The following AOPEP variants were observed in gnomAD, a reference collection of about 807,000 sequenced individuals.
The protein encoded by AOPEP is aminopeptidase O (putative).
Under a neutral mutation model 98.1 loss-of-function variants are expected in AOPEP, and 77 were observed. The observed-to-expected ratio is 0.78, with a 90% CI of 0.65 to 0.95. AOPEP has a LOEUF of 0.95. AOPEP is among the 40% of genes least tolerant of loss of function. The probability of loss-of-function intolerance (pLI) is 0.00; values close to 1 mark genes in which losing one functional copy is unlikely to be tolerated. For missense variants in AOPEP, 1,024 were observed against 1,024.7 expected (o/e 1.00, Z 0.01); for synonymous variants, 346 against 365.3 (o/e 0.95, Z 0.60).
chr9:94,983,757 G>T (rs534194674), intron 11 of AOPEP, among the ~76,000 whole-genome samples: 2 of 152,062 alleles, frequency 1.3e-5, no homozygotes, highest in Non-Finnish European at 2.9e-5. Flanking sequence ...CATGCCCTTT[G>T]CTCCTTGGCA....
intron 1 of AOPEP, among the ~76,000 whole-genome samples, chr9:94,729,568 A>G (rs1432906946): frequency 1.5e-5 from 2 of 131,252 alleles, no homozygotes; most frequent in Non-Finnish European, 3.3e-5. Flanking sequence ...GTGATGAGAC[A>G]CTGTCTTTAA....
intron 6 of AOPEP, among the ~76,000 whole-genome samples, chr9:94,925,929 GAC>G (rs1472609779): frequency 6.6e-6 from 1 of 152,252 alleles, no homozygotes; most frequent in Non-Finnish European, 1.5e-5. Context: ...CACAGTGCCT[GAC>G]ACGTGGAGAA....
Position 95,080,824 on chromosome 9 carries a change from C to G in AOPEP, c.2319+44C>G, listed in dbSNP as rs1430417352. On this transcript the variant is annotated intron_variant, in intron 15 of 16. Transcript: ENST00000375315. ...CAGATGGGGATTCTGTAAAGGCTGT[C>G]CCTGCACTTCACACAGGAATCCACG... 6.3e-6 allele frequency: 8 copies of G among 1,273,190 alleles called. No individual in the cohort carries two copies. In the African/African-American group the frequency reaches 7.3e-5, roughly 12 times the overall value. 78.9% of individuals were successfully genotyped at this position (1,273,190 alleles called of 1,614,324 possible). A position where few individuals can be genotyped will look rare whatever the true frequency, so the allele number is the denominator to read the frequency against.
At chr9:94,776,540 A>C (rs958854237) in intron 3 of AOPEP, among the ~76,000 whole-genome samples, 1 of 152,204 alleles carries the variant, frequency 6.6e-6, no homozygotes, top group Non-Finnish European at 1.5e-5. Flanking sequence ...GAGCTAAGGC[A>C]GTCCACTCGC....
chr9:94,938,663 G>T (rs1267851449), intron 7 of AOPEP, among the ~76,000 whole-genome samples: 1 of 152,186 alleles, frequency 6.6e-6, no homozygotes, highest in Admixed American at 6.5e-5. Context: ...CTGAAGGTGG[G>T]CCAGGCAAGG....
At chr9:94,901,354 A>G (rs1024844411) in intron 5 of AOPEP, among the ~76,000 whole-genome samples, 4 of 152,072 alleles carry the variant, frequency 2.6e-5, no homozygotes, top group Non-Finnish European at 5.9e-5. Flanking sequence ...TAATCACCTA[A>G]TAGTATAGTA....
the AOPEP span, among the ~76,000 whole-genome samples, chr9:95,108,830 T>G: frequency 6.6e-6 from 1 of 152,304 alleles, no homozygotes; most frequent in South Asian, 2.1e-4. Context: ...ACATAATGCC[T>G]TGTATCTTTC....
At chr9:95,040,235 C>T (rs1239784123) in intron 13 of AOPEP, among the ~76,000 whole-genome samples, 3 of 152,358 alleles carry the variant, frequency 2.0e-5, no homozygotes, top group South Asian at 2.1e-4. Context: ...AACAGTTGCA[C>T]GTACAAAATC....
In AOPEP at chr9:94,942,756, C is replaced by G. The variant is rs1295580367; in HGVS notation, c.1662-12421C>G. On this transcript the variant is annotated intron_variant, in intron 7 of 16. Coordinates refer to ENST00000375315, the MANE Select transcript of AOPEP (RefSeq NM_001193329.3). ...TATAGGATCAACATACAAAAGTTAG[C>G]TGTATTTCCATACACTAGCTAAGAA... 2.6e-5 allele frequency among the ~76,000 whole-genome samples: 4 copies of G among 152,034 alleles called. No individual in the cohort carries two copies. The East Asian group carries it at 7.7e-4, about 29-fold the overall frequency.
At chr9:94,785,654 C>T (rs1844269430) in intron 3 of AOPEP, among the ~76,000 whole-genome samples, 1 of 152,186 alleles carries the variant, frequency 6.6e-6, no homozygotes, top group Non-Finnish European at 1.5e-5. Flanking sequence ...TAATGAATCC[C>T]GACCTGGCTG....
At chr9:95,087,578 T>A (rs1487668650), downstream of AOPEP, among the ~76,000 whole-genome samples, 1 of 151,864 alleles carries the variant, frequency 6.6e-6, no homozygotes, top group Non-Finnish European at 1.5e-5. Context: ...TTCTTTGTTG[T>A]TTTCAAGGTA....
chr9:95,086,349 G>A, intron 16 of AOPEP: 11 of 985,478 alleles, frequency 1.1e-5, no homozygotes, highest in Non-Finnish European at 1.3e-5. Context: ...CCATGTGTAA[G>A]GGAGGCAGGG....
chr9:94,749,683 T>C (rs1835262683), intron 1 of AOPEP, among the ~76,000 whole-genome samples: 1 of 152,214 alleles, frequency 6.6e-6, no homozygotes, highest in Admixed American at 6.5e-5. Flanking sequence ...ATCTCAAATA[T>C]AGTATTTTTC....
At chr9:94,871,422 C>A (rs1400058885) in intron 5 of AOPEP, among the ~76,000 whole-genome samples, 2 of 152,098 alleles carry the variant, frequency 1.3e-5, no homozygotes, top group East Asian at 3.9e-4. Flanking sequence ...TCTTCTTGGC[C>A]ACAATAAATC....
chr9:94,805,469 GGTTTTTT>G (rs112012800), intron 5 of AOPEP, among the ~76,000 whole-genome samples: 108 of 151,168 alleles, frequency 7.1e-4, no homozygotes, highest in Middle Eastern at 3.4e-3. Flanking sequence ...TAGTTTGAAA[GGTTTTTT>G]GTTTTTTGTT....
intron 13 of AOPEP, among the ~76,000 whole-genome samples, chr9:95,035,931 C>A (rs76870960): frequency 0.039 from 5,876 of 152,166 alleles, 384 homozygotes; most frequent in African/African-American, 0.13. Context: ...TTCCCTCCTA[C>A]CACATGCTTT....
chr9:94,936,996 C>T (rs993887875), intron 7 of AOPEP, among the ~76,000 whole-genome samples: 7 of 152,240 alleles, frequency 4.6e-5, no homozygotes, highest in African/African-American at 1.7e-4. Context: ...GTTCAGCTAT[C>T]CAGAAGCTCT....
the AOPEP span, among the ~76,000 whole-genome samples, chr9:95,108,050 G>A: frequency 3.3e-5 from 5 of 152,204 alleles, no homozygotes; most frequent in Non-Finnish European, 7.3e-5. Context: ...CATGGAACTC[G>A]TGAACAGCTA....
At chr9:94,818,031 C>T (rs773915512) in intron 5 of AOPEP, among the ~76,000 whole-genome samples, 16 of 152,150 alleles carry the variant, frequency 1.1e-4, no homozygotes, top group Non-Finnish European at 2.1e-4. Context: ...ACCCTACCAC[C>T]CTACCATGGT....
Sources: allele counts gnomAD v4.1 joint callset (sites outside exome capture counted in the v4.1 genomes callset), GRCh38; gene constraint gnomAD v4.1.1; transcripts MANE v1.5; gene names NCBI Gene and HGNC (gene_info 2026-07-23, HGNC 2026-07-21).